Variants in RASAL2 observed in about 807,000 individuals in gnomAD.
RASAL2 encodes ras GTPase-activating protein nGAP.
In RASAL2, 58 loss-of-function variants were observed where a neutral mutation model predicts 128.9. The ratio of observed to expected loss-of-function variants is 0.45; its 90% CI spans 0.36 to 0.56. The LOEUF is 0.56. Among genes scored for constraint, RASAL2 ranks in the 20% least tolerant of loss-of-function variants. The pLI, the probability that RASAL2 is intolerant of heterozygous loss-of-function variation, is 0.00. For missense variants in RASAL2, 1,360 were observed against 1,601.6 expected, an observed-to-expected ratio of 0.85 and a Z score of 2.57; for synonymous variants, 561 against 580.8, an observed-to-expected ratio of 0.97 and a Z score of 0.49.
At position 178,427,600 on chromosome 1, in the gene RASAL2, G is replaced by A. The variant is rs187499000; in HGVS notation, c.674+6980G>A. 3.6e-3 allele frequency among the ~76,000 whole-genome samples: 545 copies of A among 152,064 alleles called. 1 individual carries two copies. The highest frequency in any genetic ancestry group is 5.9e-3 in the Non-Finnish European group (403 of 67,960). On this transcript the variant is annotated intron_variant, in intron 5 of 17. Coordinates refer to ENST00000367649, the MANE Select transcript of RASAL2 (RefSeq NM_170692.4). ...TTAGAATTTTTTAACTTTTTATCTT[G>A]AAATTATATAAAGAAAGTTGCAAAA...
chr1:178,294,310 A>C (rs1667401043), intron 2 of RASAL2, among the ~76,000 whole-genome samples: 1 of 152,046 alleles, frequency 6.6e-6, no homozygotes, highest in Non-Finnish European at 1.5e-5. Flanking sequence ...ACTTCCATAC[A>C]CAAACACACC....
At chr1:178,318,426 C>G (rs899926299) in intron 3 of RASAL2, among the ~76,000 whole-genome samples, 2 of 151,996 alleles carry the variant, frequency 1.3e-5, no homozygotes, top group African/African-American at 2.4e-5. Context: ...GTGTGGGAGT[C>G]TAAATCTCTT....
At chr1:178,125,936 C>T (rs34534201) in intron 1 of RASAL2, among the ~76,000 whole-genome samples, 9,612 of 152,208 alleles carry the variant, frequency 0.063, 378 homozygotes, top group Middle Eastern at 0.088. Flanking sequence ...TACTTGGACA[C>T]CTACCTAAGG....
chr1:178,369,768 C>G (rs1671600419), intron 3 of RASAL2, among the ~76,000 whole-genome samples: 1 of 151,946 alleles, frequency 6.6e-6, no homozygotes, highest in African/African-American at 2.4e-5. Flanking sequence ...CAATAATAAT[C>G]TAGTAAACAG....
rs539769783 is a variant in RASAL2, at chr1:178,094,597, C to G, written c.105C>G (p.Asp35Glu). 1 of 1,611,578 alleles carries G rather than the reference C, an allele frequency of 6.2e-7. No individual in the cohort carries two copies. The highest frequency in any genetic ancestry group is 8.5e-7 in the Non-Finnish European group (1 of 1,179,108). ...SDSPLPPEDL[D>E]AVVPVSGAVA... ...CGCCGCTGCCCCCGGAGGACCTGGA[C>G]GCGGTTGTCCCAGTCAGTGGAGCCG... Residue 35 changes from aspartate (D) to glutamate (E), a missense_variant, in exon 1 of 18, where the codon GAC becomes GAG. Around this residue, in one of 3 missense-constraint regions of RASAL2, gnomAD observed 617 missense variants for 714.2 expected, o/e 0.86. Coordinates refer to ENST00000367649, the MANE Select transcript of RASAL2 (RefSeq NM_170692.4).
intron 3 of RASAL2, among the ~76,000 whole-genome samples, chr1:178,313,180 T>G (rs1359925976): frequency 6.6e-6 from 1 of 152,164 alleles, no homozygotes; most frequent in Non-Finnish European, 1.5e-5. Flanking sequence ...CCAAAATTAT[T>G]ATGTAACTAT....
intron 1 of RASAL2, among the ~76,000 whole-genome samples, chr1:178,263,420 T>G (rs114270601): frequency 6.6e-6 from 1 of 152,180 alleles, no homozygotes; most frequent in Non-Finnish European, 1.5e-5. Flanking sequence ...AAGTTAAGTA[T>G]CTTGACTAGA....
intron 9 of RASAL2, among the ~76,000 whole-genome samples, chr1:178,447,507 CT>C (rs1376357851): frequency 6.6e-6 from 1 of 150,658 alleles, no homozygotes; most frequent in African/African-American, 2.4e-5. Flanking sequence ...AACCCCATCT[CT>C]ACTAAAAATA....
intron 4 of RASAL2, among the ~76,000 whole-genome samples, chr1:178,419,211 A>G (rs546885961): frequency 1.3e-5 from 2 of 152,294 alleles, no homozygotes; most frequent in African/African-American, 4.8e-5. Flanking sequence ...AGAAAGAGTC[A>G]TTCTCCATGT....
chr1:178,311,652 A>G (rs1483722724), intron 3 of RASAL2, among the ~76,000 whole-genome samples: 1 of 152,142 alleles, frequency 6.6e-6, no homozygotes, highest in South Asian at 2.1e-4. Context: ...ACGCTGAATG[A>G]TGGGACTCCT....
intron 1 of RASAL2, among the ~76,000 whole-genome samples, chr1:178,188,181 C>T (rs1003514375): frequency 6.6e-6 from 1 of 152,146 alleles, no homozygotes; most frequent in Non-Finnish European, 1.5e-5. Flanking sequence ...AAGGGGATTT[C>T]TGTACATTTC....
intron 3 of RASAL2, among the ~76,000 whole-genome samples, chr1:178,333,312 C>A (rs1015082024): frequency 6.6e-6 from 1 of 152,254 alleles, no homozygotes; most frequent in African/African-American, 2.4e-5. Context: ...CAGGCGTAAG[C>A]CACCGCGCCC....
chr1:178,141,078 C>G (rs1660507461), intron 1 of RASAL2, among the ~76,000 whole-genome samples: 1 of 152,046 alleles, frequency 6.6e-6, no homozygotes, highest in South Asian at 2.1e-4. Flanking sequence ...AGAGCGAGAG[C>G]TCACTTATCA....
rs56216101 is a variant in RASAL2, at chr1:178,473,751, T to C, written c.*512T>C. On this transcript the variant is annotated 3_prime_UTR_variant, in exon 18 of 18. Coordinates refer to ENST00000367649, the MANE Select transcript of RASAL2 (RefSeq NM_170692.4). ...TAGTTTAAAAACCCCACTCTGGCCC[T>C]CTTGTCCTTTCAGAAAACATGCAAA... 0.074 allele frequency: 11,574 copies of C among 155,448 alleles called. 1,386 individuals carry two copies. Among genetic ancestry groups the C allele is most frequent in the African/African-American group, 0.26 (10,675 of 41,492 alleles). 9.6% of individuals were successfully genotyped at this position (155,448 alleles called of 1,614,324 possible).
rs1158121051 is a variant in RASAL2, at chr1:178,473,648, G to A, written c.*409G>A. On this transcript the variant is annotated 3_prime_UTR_variant, in exon 18 of 18. Transcript: ENST00000367649. ...TGAGCCTGTAGGTTCAGTAGGTAGA[G>A]ACCAAGCATCTATCTGATAGAAGCA... 1 of 207,868 alleles carries A rather than the reference G, an allele frequency of 4.8e-6. No individual in the cohort carries two copies. Among genetic ancestry groups the A allele is most frequent in the Non-Finnish European group, 9.6e-6 (1 of 104,020 alleles). 12.9% of individuals were successfully genotyped at this position (207,868 alleles called of 1,614,324 possible). A position where few individuals can be genotyped will look rare whatever the true frequency, so the allele number is the denominator to read the frequency against.
At chr1:178,252,922 C>T (rs1665123023) in intron 1 of RASAL2, among the ~76,000 whole-genome samples, 1 of 152,242 alleles carries the variant, frequency 6.6e-6, no homozygotes, top group Non-Finnish European at 1.5e-5. Flanking sequence ...CTACCAGTAA[C>T]TGGTAAACCT....
At chr1:178,191,649 C>T (rs1662498339) in intron 1 of RASAL2, among the ~76,000 whole-genome samples, 1 of 152,156 alleles carries the variant, frequency 6.6e-6, no homozygotes, top group African/African-American at 2.4e-5. Flanking sequence ...TCAAAGCTTT[C>T]CTTGACTTTC....
intron 1 of RASAL2, among the ~76,000 whole-genome samples, chr1:178,183,447 C>T (rs1240192858): frequency 6.6e-6 from 1 of 152,186 alleles, no homozygotes; most frequent in African/African-American, 2.4e-5. Context: ...AGTTCCACTG[C>T]CAAGAATATC....
chr1:178,261,948 T>C (rs1227510026), intron 1 of RASAL2, among the ~76,000 whole-genome samples: 1 of 151,808 alleles, frequency 6.6e-6, no homozygotes, highest in African/African-American at 2.4e-5. Flanking sequence ...GTGCTTTGCA[T>C]TACAAAAAAT....
Sources: allele counts gnomAD v4.1 joint callset (sites outside exome capture counted in the v4.1 genomes callset), GRCh38; gene constraint gnomAD v4.1.1; regional missense constraint gnomAD v4.1.1; transcripts MANE v1.5; gene names NCBI Gene and HGNC (gene_info 2026-07-23, HGNC 2026-07-21).